The following TMX3 variants were observed in gnomAD, a reference collection of about 807,000 sequenced individuals.
The protein encoded by TMX3 is thioredoxin related transmembrane protein 3, also known as protein disulfide-isomerase TMX3.
A neutral mutation model predicts 64.4 loss-of-function variants in TMX3; 40 were observed. That is an observed-to-expected ratio of 0.62 (90% CI 0.48 to 0.81). TMX3 has a LOEUF of 0.81. Ranked by LOEUF, TMX3 falls within the 30% of genes least tolerant of loss-of-function variation. TMX3 has a pLI of 0.00. For missense variants in TMX3, 497 were observed against 534.5 expected, an observed-to-expected ratio of 0.93 and a Z score of 0.69; for synonymous variants, 189 against 175.7, an observed-to-expected ratio of 1.08 and a Z score of -0.60.
At position 68,676,887 on chromosome 18, in the gene TMX3, CTT is replaced by C; in HGVS notation, c.*44_*45del. On this transcript the variant is annotated 3_prime_UTR_variant, in exon 16 of 16. Transcript: ENST00000299608. ...AATGTCTAAATTCAATAAATAGACT[CTT>C]TAATAATTTGAAGTCCTAACAAATA... The C allele has an allele frequency of 6.4e-7, 1 of 1,570,020 alleles. No individual in the cohort carries two copies. The highest frequency in any genetic ancestry group is 8.6e-7 in the Non-Finnish European group (1 of 1,158,446).
At chr18:68,678,903 AAAG>A (rs573360877) in intron 15 of TMX3, among the ~76,000 whole-genome samples, 23 of 152,122 alleles carry the variant, frequency 1.5e-4, no homozygotes, top group African/African-American at 5.5e-4. Context: ...TGTTCTATAA[AAAG>A]AATAAAAGAA....
At chr18:68,701,850 C>T in intron 4 of TMX3, 60 bp from the exon 5 acceptor site, 1 of 1,368,480 alleles carries the variant, frequency 7.3e-7, no homozygotes, top group Admixed American at 1.8e-5. Context: ...AACTAGGTAA[C>T]AAATGAGGCT....
Position 68,697,915 on chromosome 18 carries a change from T to A in TMX3, c.492+17A>T, listed in dbSNP as rs747981168. ...ATTACAATACATCTGTTTTTGTGGATTAAAAAAAAGTCTTACTTTCAAAGG... is the reference window on the plus strand; with the variant it reads ...ATTACAATACATCTGTTTTTGTGGAATAAAAAAAAGTCTTACTTTCAAAGG... On this transcript the variant is annotated intron_variant, in intron 7 of 15. Coordinates refer to ENST00000299608, the MANE Select transcript of TMX3 (RefSeq NM_019022.5). 1.9e-6 allele frequency: 3 copies of A among 1,539,838 alleles called. No individual in the cohort carries two copies. Among genetic ancestry groups the A allele is most frequent in the Admixed American group, 3.4e-5 (2 of 58,894 alleles).
rs1250113276 is a variant in TMX3, at chr18:68,687,765, T to G, written c.638A>C (p.Glu213Ala). 6.2e-7 allele frequency: 1 copy of G among 1,601,590 alleles called. No homozygotes were observed. The highest frequency in any genetic ancestry group is 8.5e-7 in the Non-Finnish European group (1 of 1,175,874). Residue 213 changes from glutamate to alanine, a missense_variant and splice_region_variant, in exon 10 of 16, where the codon GAG becomes GCG. By Grantham distance (107) the Glu-to-Ala change is moderately radical. Transcript: ENST00000299608. ...FKDETYFVYD[E>A]YEDGDLSSWI... ...TGATGACAGATCACCATCTTCATAC[T>G]CTTAAAACCAAGACAAAGTTGACAA...
chr18:68,684,714 T>C (rs1011068092), intron 10 of TMX3, among the ~76,000 whole-genome samples: 1 of 152,142 alleles, frequency 6.6e-6, no homozygotes, highest in Non-Finnish European at 1.5e-5. Context: ...CACCCCAAAA[T>C]ATAAATAAGA....
chr18:68,687,689 G>C lies in TMX3; in HGVS notation c.714C>G (p.Leu238=), dbSNP rs1914096731. 1.2e-6 allele frequency: 2 copies of C among 1,611,812 alleles called. No individual in the cohort carries two copies. ...TACCTGTGTCTCCAAGTTCATACAA[G>C]AGGAAGCCATCCATAGCAAGGTAAT... The part of the protein sequence containing the change: ...FQNYLAMDGF[L]LYELGDTGKL... Residue 238 remains leucine, a synonymous_variant, in exon 10 of 16, where the codon CTC becomes CTG. Coordinates refer to ENST00000299608, the MANE Select transcript of TMX3 (RefSeq NM_019022.5).
At chr18:68,702,476 T>C (rs1481157355) in intron 4 of TMX3, among the ~76,000 whole-genome samples, 2 of 151,886 alleles carry the variant, frequency 1.3e-5, no homozygotes, top group Non-Finnish European at 2.9e-5. Flanking sequence ...AACAAGCAAA[T>C]ATAAAGAGGG....
intron 5 of TMX3, chr18:68,700,879 T>C: frequency 1.3e-6 from 1 of 799,882 alleles, no homozygotes; most frequent in Non-Finnish European, 1.4e-6. Flanking sequence ...GCAAAACAAA[T>C]GTTAAGCAAT....
intron 15 of TMX3, among the ~76,000 whole-genome samples, chr18:68,678,274 T>C (rs941119608): frequency 7.2e-5 from 11 of 152,154 alleles, no homozygotes; most frequent in African/African-American, 2.7e-4. Flanking sequence ...TTATGATTGC[T>C]TTGGGCCACA....
chr18:68,684,448 A>AT lies in TMX3; in HGVS notation c.773dup (p.Asn258LysfsTer5). 1 of 1,613,036 alleles carries AT rather than the reference A, an allele frequency of 6.2e-7. No individual in the cohort carries two copies. The highest frequency in any genetic ancestry group is 8.5e-7 in the Non-Finnish European group (1 of 1,179,584). On this transcript the variant is annotated frameshift_variant, in exon 11 of 16. Coordinates refer to ENST00000299608, the MANE Select transcript of TMX3 (RefSeq NM_019022.5). LOFTEE classifies it high-confidence loss of function. ...TATACCTGGTATGTTCAACTGATGT[A>AT]TTTTTCTCATCAATAACTGCAAGAG...
intron 4 of TMX3, among the ~76,000 whole-genome samples, chr18:68,707,927 G>A (rs927181141): frequency 6.7e-6 from 1 of 148,584 alleles, no homozygotes; most frequent in South Asian, 2.1e-4. Context: ...GTGTGTATAT[G>A]TGTATATATG....
Position 68,684,492 on chromosome 18 carries a change from T to G in TMX3, c.737-7A>C. On this transcript the variant is annotated splice_region_variant and splice_polypyrimidine_tract_variant and intron_variant, in intron 10 of 15. Transcript: ENST00000299608. ...GCAAGAGCCACAAGCTTTCCTGAAA[T>G]AAAGAATGACACATCTGAATTCAAT... The G allele has an allele frequency of 6.2e-7, 1 of 1,611,774 alleles. No homozygotes were observed. The highest frequency in any genetic ancestry group is 8.5e-7 in the Non-Finnish European group (1 of 1,179,066).
At chr18:68,687,028 C>CG (rs1914031583) in intron 10 of TMX3, 1 of 982,770 alleles carries the variant, frequency 1.0e-6, no homozygotes, top group Non-Finnish European at 1.2e-6. Flanking sequence ...TACTCAAAAG[C>CG]TATACTTCCA....
chr18:68,701,719 A>T, intron 5 of TMX3, 26 bp downstream of exon 5: 2 of 1,611,308 alleles, frequency 1.2e-6, no homozygotes, highest in East Asian at 4.5e-5. Context: ...AAAAATACAC[A>T]TATAAACATA....
intron 2 of TMX3, among the ~76,000 whole-genome samples, chr18:68,712,657 C>T (rs899000088): frequency 2.0e-5 from 3 of 152,080 alleles, no homozygotes; most frequent in African/African-American, 7.2e-5. Context: ...GGAAGAGTTG[C>T]CCCTGTTAGG....
chr18:68,709,672 T>C (rs975112833), intron 4 of TMX3, among the ~76,000 whole-genome samples: 1 of 152,172 alleles, frequency 6.6e-6, no homozygotes, highest in African/African-American at 2.4e-5. Context: ...TTCCCATTTT[T>C]TCTTTACAGC....
intron 2 of TMX3, 54 bp downstream of exon 2, chr18:68,713,792 A>G: frequency 2.3e-6 from 2 of 874,278 alleles, no homozygotes; most frequent in African/African-American, 1.7e-5. Context: ...AAATATTCAG[A>G]TATCTGAGTT....
intron 4 of TMX3, among the ~76,000 whole-genome samples, chr18:68,708,307 C>T (rs572525777): frequency 2.8e-4 from 43 of 152,246 alleles, no homozygotes; most frequent in African/African-American, 1.0e-3. Context: ...CTCACCTACA[C>T]TGTAGGTCCC....
At chr18:68,699,939 T>G (rs1915502632) in intron 6 of TMX3, among the ~76,000 whole-genome samples, 1 of 152,092 alleles carries the variant, frequency 6.6e-6, no homozygotes, top group African/African-American at 2.4e-5. Context: ...ATGTGATAAA[T>G]AAGGAAAAAT....
Sources: allele counts gnomAD v4.1 joint callset (sites outside exome capture counted in the v4.1 genomes callset), GRCh38; gene constraint gnomAD v4.1.1; transcripts MANE v1.5; gene names NCBI Gene and HGNC (gene_info 2026-07-23, HGNC 2026-07-21).